Variants in AGBL4 observed in about 807,000 individuals in gnomAD.
AGBL4 encodes the protein AGBL carboxypeptidase 4.
A neutral mutation model predicts 66.4 loss-of-function variants in AGBL4; 58 were observed. The ratio of observed to expected loss-of-function variants is 0.87; its 90% CI spans 0.71 to 1.09. The LOEUF (loss-of-function observed/expected upper bound fraction) is 1.09. Ranked by LOEUF, AGBL4 falls within the 50% of genes least tolerant of loss-of-function variation. AGBL4 has a pLI of 0.00. For missense variants in AGBL4, 579 were observed against 631.0 expected, an observed-to-expected ratio of 0.92 and a Z score of 0.88; for synonymous variants, 234 against 222.9, an observed-to-expected ratio of 1.05 and a Z score of -0.44.
intron 9 of AGBL4, among the ~76,000 whole-genome samples, chr1:48,630,540 T>C (rs963936312): frequency 6.6e-6 from 1 of 152,190 alleles, no homozygotes; most frequent in African/African-American, 2.4e-5. Context: ...ACAGTCACCA[T>C]GTCCCTTAGG....
At chr1:49,761,298 A>G (rs1652294944) in intron 2 of AGBL4, among the ~76,000 whole-genome samples, 1 of 152,170 alleles carries the variant, frequency 6.6e-6, no homozygotes, top group African/African-American at 2.4e-5. Context: ...ATAAATATAA[A>G]TATTACTTTA....
intron 3 of AGBL4, among the ~76,000 whole-genome samples, chr1:49,645,073 A>G (rs924903243): frequency 2.6e-5 from 4 of 151,750 alleles, no homozygotes; most frequent in African/African-American, 9.6e-5. Flanking sequence ...TAGTATTTTG[A>G]ACTAAACAGA....
rs201440315 is a variant in AGBL4, at chr1:49,817,420, G to T, written c.157+33976C>A. Among the ~76,000 whole-genome samples the T allele has an allele frequency of 2.0e-5, 3 of 152,064 alleles. No individual in the cohort carries two copies. The East Asian group carries it at 5.8e-4, about 29-fold the overall frequency. On this transcript the variant is annotated intron_variant, in intron 2 of 13. Coordinates refer to ENST00000371839, the MANE Select transcript of AGBL4 (RefSeq NM_032785.4). The stretch of plus-strand genomic sequence containing the variant: ...TAAAAATATTGTCTGTTTATTAATG[G>T]TTAAGAATTATGGGATAAAATTTTC...
chr1:49,555,770 A>C (rs951354221), intron 3 of AGBL4, among the ~76,000 whole-genome samples: 3 of 152,076 alleles, frequency 2.0e-5, no homozygotes, highest in African/African-American at 7.2e-5. Flanking sequence ...CAACAGACAC[A>C]TGAAAAAATG....
intron 3 of AGBL4, among the ~76,000 whole-genome samples, chr1:49,677,862 C>A (rs1283825495): frequency 6.6e-6 from 1 of 152,058 alleles, no homozygotes; most frequent in Non-Finnish European, 1.5e-5. Flanking sequence ...AAGAAGGTAA[C>A]CAGGAAGTGA....
intron 3 of AGBL4, among the ~76,000 whole-genome samples, chr1:49,304,421 A>T (rs1570391718): frequency 6.6e-6 from 1 of 152,232 alleles, no homozygotes; most frequent in Non-Finnish European, 1.5e-5. Flanking sequence ...CTTATGACAC[A>T]TAAGAGGTAT....
At chr1:49,771,239 T>C (rs1307227520) in intron 2 of AGBL4, among the ~76,000 whole-genome samples, 1 of 152,174 alleles carries the variant, frequency 6.6e-6, no homozygotes, top group Non-Finnish European at 1.5e-5. Context: ...AATTTACATT[T>C]TAATTTATTC....
intron 9 of AGBL4, among the ~76,000 whole-genome samples, chr1:48,596,313 ATG>A (rs1396136517): frequency 6.6e-6 from 1 of 152,148 alleles, no homozygotes; most frequent in Non-Finnish European, 1.5e-5. Flanking sequence ...GCATTGAGGT[ATG>A]TGTGTGGGAG....
intron 3 of AGBL4, among the ~76,000 whole-genome samples, chr1:49,388,998 T>C (rs927859241): frequency 1.3e-5 from 2 of 152,140 alleles, no homozygotes; most frequent in Non-Finnish European, 2.9e-5. Context: ...AAAAAATGTT[T>C]AGCGCAAGAA....
intron 6 of AGBL4, among the ~76,000 whole-genome samples, chr1:48,734,911 G>A (rs565764471): frequency 4.6e-5 from 7 of 152,266 alleles, no homozygotes; most frequent in South Asian, 4.1e-4. Flanking sequence ...TGAAGACATG[G>A]CAGACCTGGA....
chr1:49,764,407 C>T (rs1652581981), intron 2 of AGBL4, among the ~76,000 whole-genome samples: 1 of 152,100 alleles, frequency 6.6e-6, no homozygotes, highest in African/African-American at 2.4e-5. Flanking sequence ...ATGATAGTCC[C>T]TTGGGTTCCA....
chr1:48,943,344 C>A (rs1162947559), intron 5 of AGBL4, among the ~76,000 whole-genome samples: 1 of 152,134 alleles, frequency 6.6e-6, no homozygotes, highest in Non-Finnish European at 1.5e-5. Context: ...TGCTTTTGTT[C>A]CCCTGAATAA....
intron 5 of AGBL4, among the ~76,000 whole-genome samples, chr1:49,006,359 C>G (rs192189299): frequency 0.028 from 4,249 of 152,300 alleles, 210 homozygotes; most frequent in African/African-American, 0.096. Context: ...TATCCCACAC[C>G]TGGCTCGGAG....
intron 4 of AGBL4, among the ~76,000 whole-genome samples, chr1:49,094,293 A>G (rs982224507): frequency 6.6e-6 from 1 of 152,092 alleles, no homozygotes; most frequent in African/African-American, 2.4e-5. Flanking sequence ...TATATGGCAA[A>G]AGGCATTTTG....
At chr1:49,173,347 G>A (rs1646773447) in intron 4 of AGBL4, among the ~76,000 whole-genome samples, 1 of 152,170 alleles carries the variant, frequency 6.6e-6, no homozygotes, top group African/African-American at 2.4e-5. Flanking sequence ...GCTCAAAGAG[G>A]TTAATTTAAC....
intron 1 of AGBL4, among the ~76,000 whole-genome samples, chr1:50,013,840 C>A (rs1233606079): frequency 6.6e-6 from 1 of 152,142 alleles, no homozygotes; most frequent in Non-Finnish European, 1.5e-5. Flanking sequence ...GAATGAAAGG[C>A]ACCAATTAAT....
At chr1:49,355,946 G>A (rs537448152) in intron 3 of AGBL4, among the ~76,000 whole-genome samples, 2 of 152,254 alleles carry the variant, frequency 1.3e-5, no homozygotes, top group South Asian at 2.1e-4. Context: ...AGAGACAATC[G>A]TAGTGTGCAC....
chr1:49,071,144 A>C (rs1417645882), intron 4 of AGBL4, among the ~76,000 whole-genome samples: 14 of 151,518 alleles, frequency 9.2e-5, no homozygotes, highest in Admixed American at 9.2e-4. Context: ...TTTCTTCTTT[A>C]TTAGTCTGGC....
chr1:49,703,330 T>G (rs762433239), intron 2 of AGBL4, among the ~76,000 whole-genome samples: 1 of 151,994 alleles, frequency 6.6e-6, no homozygotes, highest in Non-Finnish European at 1.5e-5. Context: ...CCATTTACAA[T>G]AGCATCAAAA....
Sources: allele counts gnomAD v4.1 joint callset (sites outside exome capture counted in the v4.1 genomes callset), GRCh38; gene constraint gnomAD v4.1.1; transcripts MANE v1.5; gene names NCBI Gene and HGNC (gene_info 2026-07-23, HGNC 2026-07-21).